The following MGMT variants were observed in gnomAD, a reference collection of about 807,000 sequenced individuals.
MGMT encodes O-6-methylguanine-DNA methyltransferase.
MGMT carries 14 observed loss-of-function variants against 15.9 expected under a neutral mutation model. The ratio of observed to expected loss-of-function variants is 0.88; its 90% confidence interval spans 0.58 to 1.37. MGMT has a LOEUF of 1.37. MGMT is among the 40% of genes most tolerant of loss of function. The pLI is 0.00. For synonymous variants in MGMT, 130 were observed against 118.2 expected, an observed-to-expected ratio of 1.10 and a Z score of -0.65; for missense variants, 282 against 268.1, an observed-to-expected ratio of 1.05 and a Z score of -0.36.
At chr10:129,516,895 A>C (rs1483066387) in intron 1 of MGMT, among the ~76,000 whole-genome samples, 1 of 152,244 alleles carries the variant, frequency 6.6e-6, no homozygotes, top group Non-Finnish European at 1.5e-5. Flanking sequence ...CCATCGGTGA[A>C]AGTGGAGACC....
At chr10:129,505,193 T>C (rs1490011552) in intron 1 of MGMT, among the ~76,000 whole-genome samples, 1 of 152,106 alleles carries the variant, frequency 6.6e-6, no homozygotes, top group Non-Finnish European at 1.5e-5. Flanking sequence ...ATTGAGAAAA[T>C]TGAAGTGAAA....
intron 2 of MGMT, among the ~76,000 whole-genome samples, chr10:129,606,202 A>T (rs1166074132): frequency 1.3e-5 from 2 of 152,216 alleles, no homozygotes; most frequent in African/African-American, 4.8e-5. Context: ...TGAGACAATA[A>T]TGCCGAAACT....
At chr10:129,555,722 A>T (rs918868258) in intron 2 of MGMT, among the ~76,000 whole-genome samples, 7 of 152,256 alleles carry the variant, frequency 4.6e-5, no homozygotes, top group African/African-American at 1.4e-4. Context: ...CTCTAAAAAA[A>T]AAATAAAATA....
chr10:129,729,967 G>T (rs1848477526), intron 3 of MGMT, among the ~76,000 whole-genome samples: 1 of 152,120 alleles, frequency 6.6e-6, no homozygotes, highest in South Asian at 2.1e-4. Flanking sequence ...GTGTCTGCTG[G>T]GCGTGGACAG....
chr10:129,570,880 C>A (rs1046986251), intron 2 of MGMT, among the ~76,000 whole-genome samples: 6 of 152,152 alleles, frequency 3.9e-5, no homozygotes, highest in Admixed American at 3.3e-4. Flanking sequence ...AAGAACAGAA[C>A]ATGGAGGCAG....
intron 3 of MGMT, among the ~76,000 whole-genome samples, chr10:129,713,495 C>T (rs895947234): frequency 1.3e-5 from 2 of 152,050 alleles, no homozygotes; most frequent in African/African-American, 4.8e-5. Context: ...ATGGCAGGCC[C>T]GCGGGTTTCC....
chr10:129,648,455 G>C (rs1847421249), intron 2 of MGMT, among the ~76,000 whole-genome samples: 1 of 152,044 alleles, frequency 6.6e-6, no homozygotes, highest in Admixed American at 6.6e-5. Flanking sequence ...TATGTTGAAA[G>C]TAATTTCCTT....
intron 1 of MGMT, among the ~76,000 whole-genome samples, chr10:129,480,029 C>T (rs538772140): frequency 7.0e-4 from 107 of 151,998 alleles, no homozygotes; most frequent in Non-Finnish European, 1.3e-3. Context: ...TAAAAACTAG[C>T]TATATTTTCC....
intron 2 of MGMT, among the ~76,000 whole-genome samples, chr10:129,644,849 C>T (rs7083094): frequency 0.05 from 7,602 of 152,184 alleles, 628 homozygotes; most frequent in African/African-American, 0.17. Context: ...GTAATTATTT[C>T]ATTTGTGTGG....
rs1461229365 is a variant in MGMT, at chr10:129,734,730, G to T, written c.275-24472G>T. Among the ~76,000 whole-genome samples, 12 of 152,180 alleles carry T rather than the reference G, an allele frequency of 7.9e-5. No homozygotes were observed. In the East Asian group the frequency reaches 2.3e-3, roughly 29 times the overall value. ...GATAGCACTTATTATTTTGAGATACGTCCCATCAATACCTAATTTATTGAG... is the reference window on the plus strand; with the variant it reads ...GATAGCACTTATTATTTTGAGATACTTCCCATCAATACCTAATTTATTGAG... On this transcript the variant is annotated intron_variant, in intron 3 of 4. Coordinates refer to ENST00000651593, the MANE Select transcript of MGMT (RefSeq NM_002412.5).
intron 2 of MGMT, among the ~76,000 whole-genome samples, chr10:129,547,343 C>T (rs533606337): frequency 5.3e-5 from 8 of 152,222 alleles, no homozygotes; most frequent in East Asian, 1.9e-4. Context: ...CCATACACAT[C>T]GGCAGGAGAC....
rs79791039 is a variant in MGMT at position 129,766,469 on chromosome 10, A to T, written c.415-319A>T. Among the ~76,000 whole-genome samples, 62 of 152,328 alleles carry T rather than the reference A, an allele frequency of 4.1e-4. No homozygotes were observed. The East Asian group carries it at 0.012, about 29-fold the overall frequency. On this transcript the variant is annotated intron_variant, in intron 4 of 4. Transcript: ENST00000651593. The stretch of plus-strand genomic sequence containing the variant: ...TTTCAGTTTTGTAAGCGAACGTTGT[A>T]TATTACTCACCGGATGAAATTAAGT...
At chr10:129,528,573 A>G (rs573652462) in intron 1 of MGMT, among the ~76,000 whole-genome samples, 411 of 151,948 alleles carry the variant, frequency 2.7e-3, no homozygotes, top group African/African-American at 9.1e-3. Context: ...CCAGAGAAGG[A>G]AGTGTGGCCC....
intron 3 of MGMT, among the ~76,000 whole-genome samples, chr10:129,730,845 TCA>T (rs1253765429): frequency 2.0e-5 from 3 of 152,220 alleles, no homozygotes; most frequent in Non-Finnish European, 4.4e-5. Flanking sequence ...GTATAATTAT[TCA>T]CATTCATACC....
intron 2 of MGMT, among the ~76,000 whole-genome samples, chr10:129,594,994 C>T (rs955699405): frequency 1.3e-5 from 2 of 152,204 alleles, no homozygotes; most frequent in African/African-American, 4.8e-5. Context: ...GAGCAGCGCC[C>T]CACGTCTCAC....
rs146491166 is a variant in MGMT, at chr10:129,491,055, C to T, written c.-13+23759C>T. Among the ~76,000 whole-genome samples the T allele has an allele frequency of 3.9e-4, 59 of 152,180 alleles. 1 individual carries two copies. In the East Asian group the frequency reaches 0.011, roughly 29 times the overall value. On this transcript the variant is annotated intron_variant, in intron 1 of 4. Transcript: ENST00000651593. The stretch of plus-strand genomic sequence containing the variant: ...GTAGTCACTTTTGTCACTGTTTAAA[C>T]GTTTGGTGTTTGTGTCACCGTGCCC...
intron 2 of MGMT, among the ~76,000 whole-genome samples, chr10:129,568,294 G>C (rs1042685177): frequency 6.6e-6 from 1 of 152,196 alleles, no homozygotes; most frequent in Admixed American, 6.5e-5. Context: ...TGTCCTGACA[G>C]GGGAGCAGGT....
chr10:129,545,589 T>G (rs1368119265), intron 2 of MGMT, among the ~76,000 whole-genome samples: 1 of 152,238 alleles, frequency 6.6e-6, no homozygotes, highest in Non-Finnish European at 1.5e-5. Context: ...CAGGGCCACG[T>G]CTGTGGATGC....
intron 1 of MGMT, among the ~76,000 whole-genome samples, chr10:129,522,071 ACC>A (rs1845816974): frequency 1.5e-5 from 2 of 130,970 alleles, no homozygotes; most frequent in African/African-American, 6.4e-5. Context: ...GAACCACAGA[ACC>A]ACAGAACGTA....
Sources: gnomAD v4.1 joint callset for allele counts (sites outside exome capture counted in the v4.1 genomes callset) on GRCh38, gnomAD v4.1.1 for gene constraint, MANE v1.5 for transcripts, NCBI Gene and HGNC (gene_info 2026-07-23, HGNC 2026-07-21) for gene names.